MRTFB: variants seen among roughly 807,000 people sequenced by gnomAD.
The protein encoded by MRTFB is myocardin-related transcription factor B.
MRTFB carries 29 observed loss-of-function variants against 104.2 expected under a neutral mutation model. That is an observed-to-expected ratio of 0.28 (90% CI 0.21 to 0.38). The LOEUF is 0.38. MRTFB is among the 10% of genes least tolerant of loss of function. MRTFB has a pLI of 1.00. For missense variants in MRTFB, 1,270 were observed against 1,341.6 expected, an observed-to-expected ratio of 0.95 and a Z score of 0.83; for synonymous variants, 535 against 519.5, an observed-to-expected ratio of 1.03 and a Z score of -0.41.
intron 8 of MRTFB, among the ~76,000 whole-genome samples, chr16:14,226,258 A>G (rs1295817916): frequency 6.6e-6 from 1 of 152,236 alleles, no homozygotes; most frequent in Non-Finnish European, 1.5e-5. Flanking sequence ...ACAGTCTTGA[A>G]TTTTAAAAAA....
the MRTFB span, among the ~76,000 whole-genome samples, chr16:14,020,054 TTA>T: frequency 1.3e-5 from 2 of 152,160 alleles, no homozygotes; most frequent in Non-Finnish European, 2.9e-5. Flanking sequence ...AGCTTAAGCT[TTA>T]TGAGCTTTAA....
chr16:14,229,144 T>A (rs1035039007), intron 8 of MRTFB, among the ~76,000 whole-genome samples: 5 of 152,214 alleles, frequency 3.3e-5, no homozygotes, highest in Non-Finnish European at 7.3e-5. Context: ...ACCAATCAGG[T>A]CATCAAGTAC....
At chr16:14,117,693 T>TG (rs1200510620) in intron 2 of MRTFB, among the ~76,000 whole-genome samples, 6 of 152,118 alleles carry the variant, frequency 3.9e-5, no homozygotes, top group African/African-American at 1.4e-4. Flanking sequence ...CCAACTGCAG[T>TG]GCTCAGTTCT....
At position 14,246,277 on chromosome 16, in the gene MRTFB, A is replaced by G. The variant is rs1376953183; in HGVS notation, c.1213-196A>G. ...ATTACCCTCTAAAAACCCTTACCGT[A>G]TCACTGGCTCCTCAAGTGCTTCTAG... On this transcript the variant is annotated intron_variant, in intron 11 of 16. Coordinates refer to ENST00000571589, the MANE Select transcript of MRTFB (RefSeq NM_001308142.2). Among the ~76,000 whole-genome samples, 3 of 152,214 alleles carry G rather than the reference A, an allele frequency of 2.0e-5. No homozygotes were observed. In the East Asian group the frequency reaches 5.8e-4, roughly 29 times the overall value.
At chr16:14,188,029 T>A (rs1226304822) in intron 3 of MRTFB, among the ~76,000 whole-genome samples, 1 of 152,222 alleles carries the variant, frequency 6.6e-6, no homozygotes, top group East Asian at 1.9e-4. Flanking sequence ...TTTGAGCTTC[T>A]TCTAAAAGAT....
intron 3 of MRTFB, among the ~76,000 whole-genome samples, chr16:14,196,071 T>C (rs1365003377): frequency 6.6e-6 from 1 of 152,244 alleles, no homozygotes; most frequent in Non-Finnish European, 1.5e-5. Context: ...TACTGTCATA[T>C]CACAAGAAGC....
chr16:14,081,743 C>T (rs2034422067), intron 2 of MRTFB, among the ~76,000 whole-genome samples: 1 of 151,756 alleles, frequency 6.6e-6, no homozygotes, highest in Non-Finnish European at 1.5e-5. Flanking sequence ...CCACACTCTG[C>T]CAAATTTTTT....
At chr16:14,113,898 A>G (rs1266246078) in intron 2 of MRTFB, among the ~76,000 whole-genome samples, 2 of 152,190 alleles carry the variant, frequency 1.3e-5, no homozygotes, top group Non-Finnish European at 2.9e-5. Context: ...TTCTGGTTTC[A>G]TAGGTCTCTT....
intron 6 of MRTFB, among the ~76,000 whole-genome samples, chr16:14,215,516 T>C (rs1952492332): frequency 6.6e-6 from 1 of 152,204 alleles, no homozygotes; most frequent in Non-Finnish European, 1.5e-5. Flanking sequence ...ACTTACTTAC[T>C]TGGGAATATT....
intron 7 of MRTFB, among the ~76,000 whole-genome samples, chr16:14,217,551 T>C (rs1457511673): frequency 6.6e-6 from 1 of 152,202 alleles, no homozygotes; most frequent in African/African-American, 2.4e-5. Flanking sequence ...TCCATCTCTT[T>C]AGGACTGCAT....
chr16:14,033,045 C>T, the MRTFB span, among the ~76,000 whole-genome samples: 3 of 151,802 alleles, frequency 2.0e-5, no homozygotes, highest in African/African-American at 7.3e-5. Flanking sequence ...CTGCAAAAAT[C>T]AGAGAAGGTT....
intron 2 of MRTFB, among the ~76,000 whole-genome samples, chr16:14,121,648 TG>T (rs2036850577): frequency 6.6e-6 from 1 of 152,072 alleles, no homozygotes; most frequent in African/African-American, 2.4e-5. Context: ...AAAGCGTTTT[TG>T]TTTTTGTTTT....
intron 3 of MRTFB, among the ~76,000 whole-genome samples, chr16:14,160,904 T>C (rs1228201815): frequency 6.6e-6 from 1 of 152,110 alleles, no homozygotes; most frequent in East Asian, 1.9e-4. Context: ...GCACAAGATA[T>C]TTCAGAATCA....
At chr16:14,014,714 G>A in the MRTFB span, among the ~76,000 whole-genome samples, 1 of 151,716 alleles carries the variant, frequency 6.6e-6, no homozygotes, top group Non-Finnish European at 1.5e-5. Flanking sequence ...AAGAAAAAAA[G>A]AAAATTAGCC....
At chr16:14,214,660 C>T (rs967623452) in intron 6 of MRTFB, among the ~76,000 whole-genome samples, 2 of 152,076 alleles carry the variant, frequency 1.3e-5, no homozygotes, top group African/African-American at 4.8e-5. Flanking sequence ...GCTGGCAGTT[C>T]TATTTTTGCT....
At chr16:14,034,544 G>A in the MRTFB span, among the ~76,000 whole-genome samples, 1 of 150,824 alleles carries the variant, frequency 6.6e-6, no homozygotes, top group African/African-American at 2.4e-5. Flanking sequence ...AACCCAGGAG[G>A]CAGAGGTTGC....
At chr16:13,997,841 T>C in the MRTFB span, among the ~76,000 whole-genome samples, 4 of 145,002 alleles carry the variant, frequency 2.8e-5, no homozygotes, top group African/African-American at 1.0e-4. Flanking sequence ...TCAACAAACA[T>C]TTGAGTACCT....
intron 16 of MRTFB, among the ~76,000 whole-genome samples, chr16:14,260,166 T>A (rs959157274): frequency 3.3e-5 from 5 of 152,204 alleles, no homozygotes; most frequent in South Asian, 2.1e-4. Flanking sequence ...AAATTTTATA[T>A]AAGCTCAGAA....
chr16:14,144,959 A>AAAAT (rs1246318558), intron 3 of MRTFB, among the ~76,000 whole-genome samples: 2 of 145,294 alleles, frequency 1.4e-5, no homozygotes, highest in Middle Eastern at 3.5e-3. Context: ...AAAAAAAAAA[A>AAAAT]AAATAAATAA....
Sources: allele counts gnomAD v4.1 joint callset (sites outside exome capture counted in the v4.1 genomes callset), GRCh38; gene constraint gnomAD v4.1.1; transcripts MANE v1.5; gene names NCBI Gene and HGNC (gene_info 2026-07-23, HGNC 2026-07-21).